The following TIMM44 variants were observed in gnomAD, a reference collection of about 807,000 sequenced individuals.
The protein encoded by TIMM44 is translocase of inner mitochondrial membrane 44, also known as mitochondrial import inner membrane translocase subunit TIM44.
A neutral mutation model predicts 63.8 loss-of-function variants in TIMM44; 37 were observed. The observed-to-expected ratio is 0.58, with a 90% CI of 0.45 to 0.76. The LOEUF (loss-of-function observed/expected upper bound fraction) is 0.76. Ranked by LOEUF, TIMM44 falls within the 30% of genes least tolerant of loss-of-function variation. TIMM44 has a pLI of 0.00. For missense variants in TIMM44, 573 were observed against 603.8 expected (o/e 0.95, Z 0.54); for synonymous variants, 239 against 245.1 (o/e 0.98, Z 0.23).
chr19:7,941,381 G>C (rs1984306483), intron 1 of TIMM44, among the ~76,000 whole-genome samples, 184 bp from the exon 2 acceptor site: 1 of 151,266 alleles, frequency 6.6e-6, no homozygotes, highest in African/African-American at 2.4e-5. Flanking sequence ...TATGCCTCCT[G>C]GGTTCAAGCG....
chr19:7,930,301 C>A (rs1983942344), intron 10 of TIMM44, among the ~76,000 whole-genome samples: 1 of 136,206 alleles, frequency 7.3e-6, no homozygotes, highest in Non-Finnish European at 1.6e-5. Context: ...CCATGCTTGG[C>A]TCTTTTTTTT....
In TIMM44 at chr19:7,932,943, T is replaced by C. The variant is rs1984030603; in HGVS notation, c.770-11A>G. The C allele has an allele frequency of 1.2e-6, 2 of 1,612,564 alleles. No homozygotes were observed. The highest frequency in any genetic ancestry group is 4.5e-5 in the East Asian group (2 of 44,858). On this transcript the variant is annotated splice_polypyrimidine_tract_variant and intron_variant, in intron 7 of 12. Coordinates refer to ENST00000270538, the MANE Select transcript of TIMM44 (RefSeq NM_006351.4). Reference sequence around the variant, plus strand: ...TCATCTCGAAGAACCCTGTGGAAGATGGGGTAGGTGCTGGAGAAGGGGCCC... The same window carrying C: ...TCATCTCGAAGAACCCTGTGGAAGACGGGGTAGGTGCTGGAGAAGGGGCCC...
rs1334626087 is a variant in TIMM44, at chr19:7,934,412, AC to A, written c.394-175del. Reference sequence around the variant, plus strand: ...CCCCCAGAGCCATGAGCACAACGGCACCCCCAGAGCCACGAGCACACCGCCA... The same window carrying A: ...CCCCCAGAGCCATGAGCACAACGGCACCCCAGAGCCACGAGCACACCGCCA... On this transcript the variant is annotated intron_variant, in intron 4 of 12. Transcript: ENST00000270538. This position sits in a 1 kb window ranked among gnomAD's most constrained non-coding sequence, Gnocchi z 5.3. Among the ~76,000 whole-genome samples, 1 of 150,150 alleles carries A rather than the reference AC, an allele frequency of 6.7e-6. No homozygotes were observed. Among genetic ancestry groups the A allele is most frequent in the African/African-American group, 2.5e-5 (1 of 40,444 alleles).
intron 12 of TIMM44, 127 bp downstream of exon 12, chr19:7,927,530 T>C (rs1983848313): frequency 3.5e-6 from 4 of 1,133,820 alleles, no homozygotes; most frequent in Non-Finnish European, 5.3e-6. Flanking sequence ...GGCCCAGAGG[T>C]TTCTCCACAT....
At chr19:7,935,922 G>A (rs934209542) in intron 3 of TIMM44, among the ~76,000 whole-genome samples, 2 of 152,232 alleles carry the variant, frequency 1.3e-5, no homozygotes, top group Non-Finnish European at 2.9e-5. Flanking sequence ...GGGAAGCTGA[G>A]ATGGGAGGAT....
intron 1 of TIMM44, among the ~76,000 whole-genome samples, chr19:7,941,507 C>T (rs1162322341): frequency 1.3e-5 from 2 of 151,824 alleles, no homozygotes; most frequent in East Asian, 1.9e-4. Flanking sequence ...AGGCTGGTCT[C>T]GAACTCCTGA....
intron 9 of TIMM44, among the ~76,000 whole-genome samples, chr19:7,932,055 C>G (rs535930014): frequency 1.3e-5 from 2 of 152,356 alleles, no homozygotes; most frequent in East Asian, 3.9e-4. Flanking sequence ...GTCCAGGCTC[C>G]TCCTGCATCC....
In TIMM44 at chr19:7,938,156, G is replaced by A. The variant is rs764763012; in HGVS notation, c.183C>T (p.Ser61=). 63 of 1,613,452 alleles carry A rather than the reference G, an allele frequency of 3.9e-5. No individual in the cohort carries two copies. In the South Asian group the frequency reaches 5.5e-4, roughly 14 times the overall value. The change falls in exon 3 of 13, where the codon TCC becomes TCT. Residue 61 remains serine (S), a synonymous_variant. Transcript: ENST00000270538. ...YSSGNRKGFL[S]GLLDNVKQEL... ...CTTGTTTGACATTATCTAGCAAGCC[G>A]GACAGAAAGCCTTTTCTGTTTCCAG...
In TIMM44 at chr19:7,931,110, A is replaced by G. The variant is rs201242691; in HGVS notation, c.1038+28T>C. 121 of 1,609,664 alleles carry G rather than the reference A, an allele frequency of 7.5e-5. 1 individual carries two copies. The East Asian group carries it at 2.6e-3, about 34-fold the overall frequency. On this transcript the variant is annotated intron_variant, in intron 10 of 12. Transcript: ENST00000270538. The stretch of plus-strand genomic sequence containing the variant: ...GGTGATTTTTTAGGCCTTAAAAAAA[A>G]AAAAAGAAAAAGAAAGGAAGTACTC...
chr19:7,937,333 A>C lies in TIMM44; in HGVS notation c.312+694T>G, dbSNP rs565059631. Among the ~76,000 whole-genome samples the C allele has an allele frequency of 1.5e-3, 228 of 152,352 alleles. 1 individual carries two copies. The highest frequency in any genetic ancestry group is 5.4e-3 in the African/African-American group (224 of 41,588). ...ACCCAGTTTCCACCAGGCTCCACTC[A>C]GAGGGCTACAGCTGGGAGCTCTCAG... is the stretch of plus-strand genomic sequence containing the variant. On this transcript the variant is annotated intron_variant, in intron 3 of 12. Transcript: ENST00000270538.
In TIMM44 at chr19:7,931,523, C is replaced by T. The variant is rs144734784; in HGVS notation, c.988-335G>A. ...TTTCAGCCTGGTCAGGAATCCAAGC[C>T]AGGGAGATGAGGACCCAACTCCGGC... On this transcript the variant is annotated intron_variant, in intron 9 of 12. Transcript: ENST00000270538. 2.9e-3 allele frequency: 1,112 copies of T among 378,890 alleles called. 24 individuals carry two copies. The highest frequency in any genetic ancestry group is 0.021 in the African/African-American group (1,034 of 48,140). The allele number at this position is 378,890 out of a possible 1,614,324, so 23.5% of individuals were successfully genotyped here.
intron 10 of TIMM44, among the ~76,000 whole-genome samples, chr19:7,929,205 G>A (rs567077656): frequency 1.1e-3 from 171 of 152,246 alleles, no homozygotes; most frequent in Admixed American, 2.0e-3. Flanking sequence ...GGATGGACTC[G>A]GGCAGGGACA....
In TIMM44 at chr19:7,933,495, C is replaced by T; in HGVS notation, c.759G>A (p.Val253=). Residue 253 remains valine (V), a synonymous_variant, in exon 7 of 13, where the codon GTG becomes GTA. Coordinates refer to ENST00000270538, the MANE Select transcript of TIMM44 (RefSeq NM_006351.4). The surrounding 1 kb of genome is among the most constrained non-coding windows in gnomAD (Gnocchi z 4.3). ...GACACCTTCACTCACGGTTAAACAC[C>T]ACGTTGTTCTCCTTGAAGTCCTTCC... ...QQWKDFKENN[V]VFNRFFEMKM... 1 of 1,614,088 alleles carries T rather than the reference C, an allele frequency of 6.2e-7. No homozygotes were observed. The highest frequency in any genetic ancestry group is 8.5e-7 in the Non-Finnish European group (1 of 1,179,978).
At chr19:7,927,869 G>A in intron 11 of TIMM44, 102 bp from the exon 12 acceptor site, 1 of 1,293,358 alleles carries the variant, frequency 7.7e-7, no homozygotes, top group Non-Finnish European at 1.1e-6. Flanking sequence ...GAAGGCTCCA[G>A]CACCAGGCCC....
rs1299653742 is a variant in TIMM44, at chr19:7,933,041, G to A, written c.770-109C>T. The A allele has an allele frequency of 7.8e-6, 7 of 893,136 alleles. No homozygotes were observed. Among genetic ancestry groups the A allele is most frequent in the East Asian group, 7.8e-5 (3 of 38,316 alleles). The allele number at this position is 893,136 out of a possible 1,614,324, so 55.3% of individuals were successfully genotyped here. A position where few individuals can be genotyped will look rare whatever the true frequency, so the allele number is the denominator to read the frequency against. On this transcript the variant is annotated intron_variant, in intron 7 of 12. Coordinates refer to ENST00000270538, the MANE Select transcript of TIMM44 (RefSeq NM_006351.4). This position sits in a 1 kb window ranked among gnomAD's most constrained non-coding sequence, Gnocchi z 4.3. ...ACCCCTGCGGGATCCACCCTGACAC[G>A]GGTGGGGTCAGGGAGGGGACGGCTG...
chr19:7,942,753 C>T (rs1984345761), intron 1 of TIMM44, among the ~76,000 whole-genome samples: 4 of 151,186 alleles, frequency 2.6e-5, no homozygotes, highest in South Asian at 2.1e-4. Flanking sequence ...CTCCGCCTGC[C>T]GGGTTCAAGT....
Position 7,927,078 on chromosome 19 carries a change from G to T in TIMM44, c.*109C>A. The T allele has an allele frequency of 1.4e-6, 2 of 1,471,366 alleles. No individual in the cohort carries two copies. The highest frequency in any genetic ancestry group is 1.8e-6 in the Non-Finnish European group (2 of 1,090,368). 91.1% of individuals were successfully genotyped at this position (1,471,366 alleles called of 1,614,324 possible). On this transcript the variant is annotated 3_prime_UTR_variant, in exon 13 of 13. Transcript: ENST00000270538. ...TTGCAGCCGTCCTGGCAGAGCTGGGGGCAGAGCCCGCAGTCTTGTTCCCAG... is the reference window on the plus strand; with the variant it reads ...TTGCAGCCGTCCTGGCAGAGCTGGGTGCAGAGCCCGCAGTCTTGTTCCCAG...
Position 7,926,977 on chromosome 19 carries a change from G to A in TIMM44, c.*210C>T, listed in dbSNP as rs1256459136. 7 of 646,616 alleles carry A rather than the reference G, an allele frequency of 1.1e-5. No individual in the cohort carries two copies. The highest frequency in any genetic ancestry group is 4.8e-5 in the Admixed American group (2 of 41,570). 40.1% of individuals were successfully genotyped at this position (646,616 alleles called of 1,614,324 possible). A position where few individuals can be genotyped will look rare whatever the true frequency, so the allele number is the denominator to read the frequency against. ...TGCAGGGCAGAGCAACAGGGCAGGG[G>A]TTGGCCCTGCGGGGGAGTGTCTCCA... is the stretch of plus-strand genomic sequence containing the variant. On this transcript the variant is annotated 3_prime_UTR_variant, in exon 13 of 13. Coordinates refer to ENST00000270538, the MANE Select transcript of TIMM44 (RefSeq NM_006351.4).
chr19:7,926,793 T>G lies in TIMM44; in HGVS notation c.*394A>C, dbSNP rs1431248744. The G allele has an allele frequency of 1.0e-5, 3 of 298,968 alleles. No individual in the cohort carries two copies. Among genetic ancestry groups the G allele is most frequent in the Non-Finnish European group, 2.0e-5 (3 of 151,248 alleles). The allele number at this position is 298,968 out of a possible 1,614,324, so 18.5% of individuals were successfully genotyped here. The stretch of plus-strand genomic sequence containing the variant: ...ACAAGATGGAAGAGCACTGTTAAAA[T>G]TAAAAAATGGACCTAAAGTGGCTTG... On this transcript the variant is annotated 3_prime_UTR_variant, in exon 13 of 13. Coordinates refer to ENST00000270538, the MANE Select transcript of TIMM44 (RefSeq NM_006351.4).
Sources: allele counts gnomAD v4.1 joint callset (sites outside exome capture counted in the v4.1 genomes callset), GRCh38; gene constraint gnomAD v4.1.1; non-coding constraint Gnocchi (gnomAD v3.1); transcripts MANE v1.5; gene names NCBI Gene and HGNC (gene_info 2026-07-23, HGNC 2026-07-21).